Variants in RALGAPA2 observed in about 807,000 individuals in gnomAD.
RALGAPA2 encodes the protein Ral GTPase activating protein catalytic subunit alpha 2.
In RALGAPA2, 139 loss-of-function variants were observed where a neutral mutation model predicts 230.4. The ratio of observed to expected loss-of-function variants is 0.60; its 90% CI spans 0.53 to 0.69. The LOEUF (loss-of-function observed/expected upper bound fraction) is 0.69. RALGAPA2 is among the 30% of genes least tolerant of loss of function. The pLI is 0.00. For missense variants in RALGAPA2, 2,163 were observed against 2,276.0 expected (o/e 0.95, Z 1.01); for synonymous variants, 847 against 837.8 (o/e 1.01, Z -0.19).
intron 37 of RALGAPA2, among the ~76,000 whole-genome samples, chr20:20,436,936 A>G (rs2060628901): frequency 6.6e-6 from 1 of 152,114 alleles, no homozygotes; most frequent in African/African-American, 2.4e-5. Flanking sequence ...ATTGGCCATC[A>G]TGGCAGCCGC....
chr20:20,473,259 C>T (rs536238318), intron 36 of RALGAPA2, among the ~76,000 whole-genome samples: 1 of 152,318 alleles, frequency 6.6e-6, no homozygotes, highest in African/African-American at 2.4e-5. Context: ...GTGCCTACAT[C>T]ATGTGAATTA....
At chr20:20,685,392 A>T (rs1435753205) in intron 1 of RALGAPA2, among the ~76,000 whole-genome samples, 2 of 152,216 alleles carry the variant, frequency 1.3e-5, no homozygotes, top group East Asian at 3.8e-4. Flanking sequence ...TGCTAATGTC[A>T]TACATTTATG....
chr20:20,631,377 AG>A (rs1310567916), intron 9 of RALGAPA2, among the ~76,000 whole-genome samples: 1 of 152,242 alleles, frequency 6.6e-6, no homozygotes, highest in African/African-American at 2.4e-5. Context: ...CCAGGGCAAA[AG>A]AGACATAACA....
chr20:20,546,889 G>C, intron 23 of RALGAPA2, 57 bp from the exon 24 acceptor site: 11 of 1,482,526 alleles, frequency 7.4e-6, no homozygotes, highest in Non-Finnish European at 8.1e-6. Context: ...AAATTCCAAA[G>C]TAGTGTTTGT....
chr20:20,513,673 T>TC (rs1180413750), intron 31 of RALGAPA2, among the ~76,000 whole-genome samples: 1 of 151,936 alleles, frequency 6.6e-6, no homozygotes, highest in African/African-American at 2.4e-5. Flanking sequence ...ATGATGTTTC[T>TC]CTCAAGCCCC....
chr20:20,603,204 G>C (rs889326129), intron 15 of RALGAPA2, among the ~76,000 whole-genome samples: 1 of 152,182 alleles, frequency 6.6e-6, no homozygotes, highest in Non-Finnish European at 1.5e-5. Context: ...AAAAATGTTA[G>C]AAAATCATTG....
chr20:20,473,026 T>C, intron 36 of RALGAPA2, 70 bp from the exon 37 acceptor site: 1 of 1,486,464 alleles, frequency 6.7e-7, no homozygotes, highest in South Asian at 1.3e-5. Context: ...TGAGAGTAGC[T>C]GACTGATGTC....
chr20:20,602,329 GGA>G (rs1249184678), intron 15 of RALGAPA2, among the ~76,000 whole-genome samples: 1 of 152,272 alleles, frequency 6.6e-6, no homozygotes, highest in East Asian at 1.9e-4. Flanking sequence ...CAAATGGGCA[GGA>G]TAATGAAAAT....
chr20:20,432,687 A>G (rs1915962015), intron 37 of RALGAPA2, among the ~76,000 whole-genome samples: 1 of 152,190 alleles, frequency 6.6e-6, no homozygotes, highest in Non-Finnish European at 1.5e-5. Context: ...CATGCTATAC[A>G]TACATGGGAA....
intron 12 of RALGAPA2, among the ~76,000 whole-genome samples, chr20:20,617,207 T>C (rs1386041787): frequency 2.0e-5 from 3 of 152,202 alleles, no homozygotes; most frequent in African/African-American, 4.8e-5. Flanking sequence ...ATAAGTAAAA[T>C]TTTTTAAAGT....
intron 3 of RALGAPA2, among the ~76,000 whole-genome samples, chr20:20,667,508 C>T (rs1249264842): frequency 6.6e-6 from 1 of 152,180 alleles, no homozygotes; most frequent in Non-Finnish European, 1.5e-5. Flanking sequence ...TAATAAATCG[C>T]AAGCAATCAA....
chr20:20,493,087 G>C (rs2062105791), intron 36 of RALGAPA2, among the ~76,000 whole-genome samples: 1 of 152,210 alleles, frequency 6.6e-6, no homozygotes, highest in South Asian at 2.1e-4. Flanking sequence ...TGTTGCCATG[G>C]ATTCTGTAAC....
intron 38 of RALGAPA2, among the ~76,000 whole-genome samples, chr20:20,403,808 C>G (rs1465079996): frequency 2.0e-5 from 3 of 152,212 alleles, no homozygotes; most frequent in African/African-American, 7.2e-5. Context: ...GCAGCACTGG[C>G]AAGGCAAGGT....
At chr20:20,585,391 T>G (rs2065104776) in intron 18 of RALGAPA2, among the ~76,000 whole-genome samples, 1 of 152,102 alleles carries the variant, frequency 6.6e-6, no homozygotes, top group Non-Finnish European at 1.5e-5. Flanking sequence ...GTCTTCCTAG[T>G]TAAGCATGCC....
At position 20,505,499 on chromosome 20, in the gene RALGAPA2, G is replaced by A; in HGVS notation, c.4964C>T (p.Ala1655Val). The A allele has an allele frequency of 6.2e-7, 1 of 1,604,958 alleles. No individual in the cohort carries two copies. The highest frequency in any genetic ancestry group is 8.5e-7 in the Non-Finnish European group (1 of 1,174,934). Residue 1655 changes from alanine to valine, a missense_variant, in exon 34 of 40, where the codon GCT (alanine) becomes GTT (valine). Physicochemically the swap from Ala to Val is moderately conservative, Grantham distance 64. Coordinates refer to ENST00000202677, the MANE Select transcript of RALGAPA2 (RefSeq NM_020343.4). Reference protein sequence around the residue: ...ETHKIAVFYIAEGQEDKCSIL... With the variant: ...ETHKIAVFYIVEGQEDKCSIL... ...TGAACACTTGTCTTCTTGACCTTCA[G>A]CAATGTAAAACACTGCGATTTTGTG... is the stretch of plus-strand genomic sequence containing the variant.
chr20:20,500,106 T>C (rs1275739758), intron 35 of RALGAPA2, among the ~76,000 whole-genome samples: 1 of 152,216 alleles, frequency 6.6e-6, no homozygotes, highest in Non-Finnish European at 1.5e-5. Context: ...TTCAGTGAGT[T>C]GTAGTCTTTT....
intron 38 of RALGAPA2, among the ~76,000 whole-genome samples, chr20:20,400,870 T>A (rs1321717231): frequency 6.6e-6 from 1 of 152,214 alleles, no homozygotes; most frequent in Non-Finnish European, 1.5e-5. Context: ...GGAATACCGA[T>A]ATGGGCTACA....
chr20:20,436,162 A>G (rs2060608063), intron 37 of RALGAPA2, among the ~76,000 whole-genome samples: 1 of 152,122 alleles, frequency 6.6e-6, no homozygotes, highest in African/African-American at 2.4e-5. Flanking sequence ...GCCTGTGGAC[A>G]TTGCTCCCTC....
intron 1 of RALGAPA2, among the ~76,000 whole-genome samples, chr20:20,693,597 A>T (rs1319265968): frequency 1.3e-5 from 2 of 152,160 alleles, no homozygotes; most frequent in African/African-American, 2.4e-5. Context: ...TGATGAGGAG[A>T]GTGTTTACAG....
Sources: allele counts gnomAD v4.1 joint callset (sites outside exome capture counted in the v4.1 genomes callset), GRCh38; gene constraint gnomAD v4.1.1; transcripts MANE v1.5; gene names NCBI Gene and HGNC (gene_info 2026-07-23, HGNC 2026-07-21).